The following FAM135B variants were observed in gnomAD, a reference collection of about 807,000 sequenced individuals.
FAM135B encodes family with sequence similarity 135 member B.
A neutral mutation model predicts 127.7 loss-of-function variants in FAM135B; 43 were observed. The ratio of observed to expected loss-of-function variants is 0.34; its 90% CI spans 0.26 to 0.43. FAM135B has a LOEUF of 0.43. Among genes scored for constraint, FAM135B ranks in the 20% least tolerant of loss-of-function variants. The pLI is 1.00. For synonymous variants in FAM135B, 670 were observed against 665.1 expected (o/e 1.01, Z -0.11); for missense variants, 1,558 against 1,725.6 (o/e 0.90, Z 1.72).
intron 7 of FAM135B, among the ~76,000 whole-genome samples, chr8:138,202,360 C>T (rs1359097450): frequency 1.3e-5 from 2 of 152,028 alleles, no homozygotes; most frequent in African/African-American, 2.4e-5. Flanking sequence ...AGTGATCCTT[C>T]CACTCCAGTC....
Position 138,149,770 on chromosome 8 carries a change from A to C in FAM135B, c.3282-1084T>G, listed in dbSNP as rs556459611. On this transcript the variant is annotated intron_variant, in intron 13 of 19. Coordinates refer to ENST00000395297, the MANE Select transcript of FAM135B (RefSeq NM_015912.4). ...TATTCACACCCATTTCCCCAAGCCAAATTAGGTGCTTCTCCTTTTGGCTCC... is the reference window on the plus strand; with the variant it reads ...TATTCACACCCATTTCCCCAAGCCACATTAGGTGCTTCTCCTTTTGGCTCC... Among the ~76,000 whole-genome samples the C allele has an allele frequency of 5.3e-5, 8 of 152,174 alleles. No individual in the cohort carries two copies. The South Asian group carries it at 1.7e-3, about 32-fold the overall frequency.
intron 11 of FAM135B, 49 bp from the exon 12 acceptor site, chr8:138,168,098 C>T (rs1820110073): frequency 6.4e-7 from 1 of 1,550,694 alleles, no homozygotes; most frequent in Non-Finnish European, 8.7e-7. Context: ...TCAGAGGTTT[C>T]CAAACCGTTG....
At position 138,414,121 on chromosome 8, in the gene FAM135B, T is replaced by TATATA. The variant is rs975144176; in HGVS notation, c.-19-46124_-19-46120dup. Among the ~76,000 whole-genome samples the TATATA allele has an allele frequency of 6.4e-4, 92 of 143,854 alleles. 2 individuals are homozygous for TATATA. The highest frequency in any genetic ancestry group is 2.1e-3 in the African/African-American group (83 of 38,634). 94.4% of individuals were successfully genotyped at this position (143,854 alleles called of 152,430 possible). ...GTTCCCCTGTTCACACACAAATACA[T>TATATA]ATATATATATATATATATGCACAAA... On this transcript the variant is annotated intron_variant, in intron 1 of 19. Transcript: ENST00000395297.
intron 1 of FAM135B, among the ~76,000 whole-genome samples, chr8:138,456,761 G>A (rs1176658832): frequency 6.6e-6 from 1 of 152,158 alleles, no homozygotes; most frequent in Non-Finnish European, 1.5e-5. Flanking sequence ...CTCTATCAAA[G>A]AGAAGATGAA....
chr8:138,167,780 A>G, intron 12 of FAM135B, 115 bp downstream of exon 12: 1 of 1,241,850 alleles, frequency 8.1e-7, no homozygotes, highest in South Asian at 1.5e-5. Context: ...ATGAACTGAC[A>G]TAATCCTTCA....
chr8:138,489,733 T>G (rs1206546921), intron 1 of FAM135B, among the ~76,000 whole-genome samples: 1 of 152,162 alleles, frequency 6.6e-6, no homozygotes, highest in East Asian at 1.9e-4. Flanking sequence ...ACACTCTCTC[T>G]GAGCCCACAC....
chr8:138,324,859 G>C (rs1827695254), intron 2 of FAM135B, among the ~76,000 whole-genome samples: 1 of 152,060 alleles, frequency 6.6e-6, no homozygotes, highest in African/African-American at 2.4e-5. Context: ...TAAAAGTCCT[G>C]GTTTTATCTA....
intron 2 of FAM135B, among the ~76,000 whole-genome samples, chr8:138,317,605 T>C (rs1023944922): frequency 6.6e-5 from 10 of 152,180 alleles, no homozygotes; most frequent in Non-Finnish European, 1.0e-4. Flanking sequence ...TTGAAAAACA[T>C]AAAAGGCATC....
At chr8:138,374,226 G>A (rs989969964) in intron 1 of FAM135B, among the ~76,000 whole-genome samples, 1 of 152,140 alleles carries the variant, frequency 6.6e-6, no homozygotes, top group African/African-American at 2.4e-5. Context: ...AGGGAAAATA[G>A]AAAAGAACCT....
intron 2 of FAM135B, among the ~76,000 whole-genome samples, chr8:138,317,309 A>G (rs1827170102): frequency 6.6e-6 from 1 of 152,220 alleles, no homozygotes; most frequent in South Asian, 2.1e-4. Flanking sequence ...TTGCAAAATT[A>G]TGAAAATATA....
chr8:138,235,159 G>A (rs1421957326), intron 7 of FAM135B, among the ~76,000 whole-genome samples: 1 of 152,134 alleles, frequency 6.6e-6, no homozygotes, highest in African/African-American at 2.4e-5. Context: ...ACTCATTGTA[G>A]ATATAAGAAG....
rs549653400 is a variant in FAM135B at position 138,457,869 on chromosome 8, C to T, written c.-20+38802G>A. Among the ~76,000 whole-genome samples, 7 of 151,542 alleles carry T rather than the reference C, an allele frequency of 4.6e-5. No homozygotes were observed. The South Asian group carries it at 1.0e-3, about 23-fold the overall frequency. On this transcript the variant is annotated intron_variant, in intron 1 of 19. Transcript: ENST00000395297. Reference sequence around the variant, plus strand: ...ATGGGCACCTGTAATCTCAGCTACTCGAGAGGCTGCGGCAGGAGAATCACT... The same window carrying T: ...ATGGGCACCTGTAATCTCAGCTACTTGAGAGGCTGCGGCAGGAGAATCACT...
chr8:138,437,236 A>C (rs185063111), intron 1 of FAM135B: 6 of 152,320 alleles, frequency 3.9e-5, no homozygotes, highest in Admixed American at 1.3e-4. Context: ...CAATCAAACA[A>C]ACATGGGTTA....
chr8:138,344,179 C>T (rs574197804), intron 2 of FAM135B, among the ~76,000 whole-genome samples: 13 of 152,334 alleles, frequency 8.5e-5, no homozygotes, highest in African/African-American at 3.1e-4. Context: ...GAGCCAAAAT[C>T]ATTGCCTGAG....
At chr8:138,177,479 C>CTT in intron 10 of FAM135B, 59 bp from the exon 11 acceptor site, 4 of 1,393,744 alleles carry the variant, frequency 2.9e-6, no homozygotes, top group South Asian at 1.3e-5. Flanking sequence ...CCTGCACTTT[C>CTT]TTTTTTTTTA....
intron 4 of FAM135B, 73 bp downstream of exon 4, chr8:138,265,630 T>C (rs2130626233): frequency 6.5e-7 from 1 of 1,544,076 alleles, no homozygotes. Flanking sequence ...CTTTCAACAT[T>C]TACCTAGCAA....
At chr8:138,251,463 G>C (rs1821690101) in intron 5 of FAM135B, among the ~76,000 whole-genome samples, 1 of 152,180 alleles carries the variant, frequency 6.6e-6, no homozygotes, top group African/African-American at 2.4e-5. Context: ...AAGGGACTAT[G>C]ACTAATGCGT....
chr8:138,177,562 TC>T (rs1814594720), intron 10 of FAM135B, 142 bp from the exon 11 acceptor site: 2 of 675,802 alleles, frequency 3.0e-6, no homozygotes, highest in African/African-American at 1.8e-5. Flanking sequence ...AGGTTCTGAA[TC>T]AACAGTCTTC....
At chr8:138,235,112 G>A (rs1206920374) in intron 7 of FAM135B, among the ~76,000 whole-genome samples, 1 of 152,176 alleles carries the variant, frequency 6.6e-6, no homozygotes, top group African/African-American at 2.4e-5. Flanking sequence ...CCTAGCCACT[G>A]TGCCTATTAT....
Sources: gnomAD v4.1 joint callset for allele counts (sites outside exome capture counted in the v4.1 genomes callset) on GRCh38, gnomAD v4.1.1 for gene constraint, MANE v1.5 for transcripts, NCBI Gene and HGNC (gene_info 2026-07-23, HGNC 2026-07-21) for gene names.